Variants in DPP6 observed in about 807,000 individuals in gnomAD.
DPP6 encodes the protein A-type potassium channel modulatory protein DPP6.
Under a neutral mutation model 122.6 loss-of-function variants are expected in DPP6, and 69 were observed. The observed-to-expected ratio is 0.56, with a 90% CI of 0.46 to 0.69. DPP6 has a LOEUF of 0.69. Ranked by LOEUF, DPP6 falls within the 30% of genes least tolerant of loss-of-function variation. The pLI is 0.00. For missense variants in DPP6, 928 were observed against 1,116.9 expected (o/e 0.83, Z 2.41); for synonymous variants, 418 against 433.1 (o/e 0.97, Z 0.43).
intron 1 of DPP6, among the ~76,000 whole-genome samples, chr7:153,927,140 G>A (rs193134507): frequency 5.3e-4 from 81 of 152,040 alleles, no homozygotes; most frequent in Non-Finnish European, 9.1e-4. Flanking sequence ...GAGTTAGACC[G>A]TGTCTCTAAA....
intron 7 of DPP6, among the ~76,000 whole-genome samples, chr7:154,691,682 G>C (rs1348638683): frequency 2.0e-5 from 3 of 152,114 alleles, no homozygotes; most frequent in African/African-American, 7.2e-5. Flanking sequence ...AGCCAGGCAT[G>C]GTGGTGCACA....
At chr7:153,900,855 C>G (rs1053287653) in intron 1 of DPP6, among the ~76,000 whole-genome samples, 1 of 152,086 alleles carries the variant, frequency 6.6e-6, no homozygotes, top group African/African-American at 2.4e-5. Flanking sequence ...AGCTGTGGCC[C>G]CAAAATAATT....
chr7:154,431,096 T>C (rs1034046600), intron 1 of DPP6, among the ~76,000 whole-genome samples: 1 of 152,024 alleles, frequency 6.6e-6, no homozygotes, highest in African/African-American at 2.4e-5. Flanking sequence ...TCAAGGGAAG[T>C]GTTGGTGAAG....
chr7:154,590,645 C>T (rs1377762002), intron 5 of DPP6, among the ~76,000 whole-genome samples: 4 of 149,584 alleles, frequency 2.7e-5, no homozygotes, highest in African/African-American at 9.9e-5. Flanking sequence ...AACAATTCTC[C>T]TGCCTCAGCC....
At chr7:153,918,086 G>A (rs1772213408) in intron 1 of DPP6, among the ~76,000 whole-genome samples, 1 of 152,150 alleles carries the variant, frequency 6.6e-6, no homozygotes, top group African/African-American at 2.4e-5. Context: ...CACCTCGTGA[G>A]CTGAACTGGT....
intron 1 of DPP6, among the ~76,000 whole-genome samples, chr7:154,329,956 C>T (rs1808771819): frequency 6.6e-6 from 1 of 152,180 alleles, no homozygotes; most frequent in Non-Finnish European, 1.5e-5. Flanking sequence ...CATGTTCTCA[C>T]TCACAAGCGG....
chr7:154,656,014 C>A (rs1269033526), intron 6 of DPP6, among the ~76,000 whole-genome samples: 1 of 151,788 alleles, frequency 6.6e-6, no homozygotes, highest in Non-Finnish European at 1.5e-5. Context: ...AGAAATTGCC[C>A]CTCCCAGTTC....
chr7:153,944,458 G>GT (rs1300427122), intron 1 of DPP6, among the ~76,000 whole-genome samples: 1 of 152,140 alleles, frequency 6.6e-6, no homozygotes, highest in Non-Finnish European at 1.5e-5. Context: ...AGAAGAGCGT[G>GT]TTGGGGACTG....
chr7:154,761,679 G>A (rs539733517), intron 8 of DPP6, among the ~76,000 whole-genome samples: 8 of 151,746 alleles, frequency 5.3e-5, no homozygotes, highest in African/African-American at 1.7e-4. Flanking sequence ...GAGTAGGGGT[G>A]AGGGAGGCAC....
chr7:154,879,980 A>G (rs992486052), intron 20 of DPP6, among the ~76,000 whole-genome samples: 2 of 152,220 alleles, frequency 1.3e-5, no homozygotes, highest in Non-Finnish European at 2.9e-5. Flanking sequence ...CAGGACAGTG[A>G]CAGTGTCTCG....
chr7:154,881,192 C>A, intron 21 of DPP6: 1 of 505,780 alleles, frequency 2.0e-6, no homozygotes, highest in Non-Finnish European at 3.2e-6. Context: ...CGCAGGAGAG[C>A]TCTAATACAT....
At position 154,682,412 on chromosome 7, in the gene DPP6, C is replaced by T. The variant is rs1229290562; in HGVS notation, c.762+12971C>T. ...TGTCCCACTAGGACACCGAGGTGATCGTCTCCGCAGTGTCATAAGGAACAG... is the reference window on the plus strand; with the variant it reads ...TGTCCCACTAGGACACCGAGGTGATTGTCTCCGCAGTGTCATAAGGAACAG... On this transcript the variant is annotated intron_variant, in intron 7 of 25. Transcript: ENST00000377770. Among the ~76,000 whole-genome samples, 6 of 152,220 alleles carry T rather than the reference C, an allele frequency of 3.9e-5. No individual in the cohort carries two copies. In the South Asian group the frequency reaches 6.2e-4, roughly 16 times the overall value.
At chr7:154,530,328 C>T (rs1173426997) in intron 3 of DPP6, among the ~76,000 whole-genome samples, 1 of 152,020 alleles carries the variant, frequency 6.6e-6, no homozygotes, top group Non-Finnish European at 1.5e-5. Flanking sequence ...TGATGAAAGA[C>T]ATACCTTGGC....
the DPP6 span, among the ~76,000 whole-genome samples, chr7:153,866,017 G>A: frequency 2.8e-4 from 43 of 152,132 alleles, no homozygotes; most frequent in African/African-American, 1.0e-3. Flanking sequence ...ATTTCATGGT[G>A]TATATGTGCC....
intron 16 of DPP6, among the ~76,000 whole-genome samples, chr7:154,807,402 A>G (rs1331019541): frequency 6.6e-6 from 1 of 152,208 alleles, no homozygotes; most frequent in Non-Finnish European, 1.5e-5. Flanking sequence ...CATTGTCCAC[A>G]AAAAATAATA....
rs542333199 is a variant in DPP6 at position 154,417,910 on chromosome 7, A to G, written c.244-28304A>G. Among the ~76,000 whole-genome samples the G allele has an allele frequency of 1.4e-4, 22 of 152,338 alleles. No individual in the cohort carries two copies. The South Asian group carries it at 4.4e-3, about 30-fold the overall frequency. ...TGTTTTGCCAAAGGGCCATTACAAT[A>G]CATTGACAGAATATTATTACCCTTC... On this transcript the variant is annotated intron_variant, in intron 1 of 25. Transcript: ENST00000377770.
chr7:154,218,919 T>C (rs1800151049), intron 1 of DPP6, among the ~76,000 whole-genome samples: 2 of 152,230 alleles, frequency 1.3e-5, no homozygotes, highest in Admixed American at 6.5e-5. Flanking sequence ...TAGAATTTAA[T>C]GAATGAATGA....
the DPP6 span, among the ~76,000 whole-genome samples, chr7:153,769,318 T>C: frequency 1.3e-5 from 2 of 152,202 alleles, no homozygotes; most frequent in Non-Finnish European, 2.9e-5. Flanking sequence ...TATGCATACA[T>C]TGTGAAATAA....
At chr7:154,815,025 G>T (rs1050702283) in intron 16 of DPP6, among the ~76,000 whole-genome samples, 1 of 152,118 alleles carries the variant, frequency 6.6e-6, no homozygotes, top group Non-Finnish European at 1.5e-5. Context: ...TAACTTTTGG[G>T]GGGACACCAT....
Sources: allele counts gnomAD v4.1 joint callset (sites outside exome capture counted in the v4.1 genomes callset), GRCh38; gene constraint gnomAD v4.1.1; transcripts MANE v1.5; gene names NCBI Gene and HGNC (gene_info 2026-07-23, HGNC 2026-07-21).